The following MTRF1 variants were observed in gnomAD, a reference collection of about 807,000 sequenced individuals.
The protein encoded by MTRF1 is peptide chain release factor 1, mitochondrial.
Under a neutral mutation model 62.9 loss-of-function variants are expected in MTRF1, and 51 were observed. That is an observed-to-expected ratio of 0.81 (90% CI 0.65 to 1.02). The LOEUF (loss-of-function observed/expected upper bound fraction) is 1.02. Among genes scored for constraint, MTRF1 ranks in the 50% least tolerant of loss-of-function variants. The probability of loss-of-function intolerance (pLI) is 0.00; values close to 1 mark genes in which losing one functional copy is unlikely to be tolerated. For missense variants in MTRF1, 446 were observed against 530.0 expected, an observed-to-expected ratio of 0.84 and a Z score of 1.56; for synonymous variants, 158 against 181.9, an observed-to-expected ratio of 0.87 and a Z score of 1.06.
At chr13:41,272,341 A>G in the MTRF1 span, among the ~76,000 whole-genome samples, 1 of 152,226 alleles carries the variant, frequency 6.6e-6, no homozygotes, top group African/African-American at 2.4e-5. Context: ...AGTAAATGAA[A>G]GAACATTGTT....
At chr13:41,291,416 G>A in the MTRF1 span, among the ~76,000 whole-genome samples, 1 of 152,052 alleles carries the variant, frequency 6.6e-6, no homozygotes, top group Non-Finnish European at 1.5e-5. Flanking sequence ...AGGCTCAAGC[G>A]ATCTACCCGC....
At chr13:41,300,458 C>G in the MTRF1 span, among the ~76,000 whole-genome samples, 3 of 151,994 alleles carry the variant, frequency 2.0e-5, no homozygotes, top group Non-Finnish European at 4.4e-5. Flanking sequence ...TGGTGGTGGG[C>G]GCCTGTAGTC....
chr13:41,222,122 A>G (rs981386722), intron 9 of MTRF1, among the ~76,000 whole-genome samples: 4 of 152,184 alleles, frequency 2.6e-5, no homozygotes, highest in Admixed American at 6.5e-5. Flanking sequence ...GACAGAGTCA[A>G]GTGAAAGAAG....
At chr13:41,277,775 C>T in the MTRF1 span, among the ~76,000 whole-genome samples, 4 of 152,270 alleles carry the variant, frequency 2.6e-5, no homozygotes, top group South Asian at 8.3e-4. Context: ...TGTTAGGGAG[C>T]GGGGCTAAAA....
intron 2 of MTRF1, among the ~76,000 whole-genome samples, chr13:41,258,430 T>G (rs943056588): frequency 6.6e-6 from 1 of 151,930 alleles, no homozygotes; most frequent in Non-Finnish European, 1.5e-5. Flanking sequence ...AGAAAAAATG[T>G]AGAGGCAATA....
At chr13:41,291,389 G>A in the MTRF1 span, among the ~76,000 whole-genome samples, 1 of 151,980 alleles carries the variant, frequency 6.6e-6, no homozygotes, top group Non-Finnish European at 1.5e-5. Flanking sequence ...CGTTGCCTAG[G>A]GATATCTTGA....
intron 5 of MTRF1, among the ~76,000 whole-genome samples, chr13:41,246,141 G>A (rs1366840308): frequency 1.3e-5 from 2 of 152,158 alleles, no homozygotes; most frequent in Non-Finnish European, 2.9e-5. Flanking sequence ...CATGAGTTAT[G>A]AGAGGGTTCT....
At chr13:41,237,076 A>G (rs1230775622) in intron 6 of MTRF1, among the ~76,000 whole-genome samples, 1 of 151,966 alleles carries the variant, frequency 6.6e-6, no homozygotes, top group East Asian at 1.9e-4. Context: ...AAAATTAGCC[A>G]GGCATTGTGG....
At chr13:41,283,930 G>A in the MTRF1 span, among the ~76,000 whole-genome samples, 4 of 151,958 alleles carry the variant, frequency 2.6e-5, no homozygotes, top group African/African-American at 7.3e-5. Context: ...TTGCTTAAAG[G>A]GCAGATTGAC....
chr13:41,244,158 A>G (rs776689562), intron 5 of MTRF1, among the ~76,000 whole-genome samples: 3 of 152,230 alleles, frequency 2.0e-5, no homozygotes, highest in Non-Finnish European at 4.4e-5. Context: ...TTGCATAATG[A>G]TAACAAATTG....
At chr13:41,225,426 C>T (rs1228904252) in intron 8 of MTRF1, among the ~76,000 whole-genome samples, 1 of 152,066 alleles carries the variant, frequency 6.6e-6, no homozygotes, top group East Asian at 1.9e-4. Flanking sequence ...TTCCTATCTG[C>T]AAGTGTATAC....
At chr13:41,305,386 A>C in the MTRF1 span, among the ~76,000 whole-genome samples, 1 of 152,212 alleles carries the variant, frequency 6.6e-6, no homozygotes, top group African/African-American at 2.4e-5. Flanking sequence ...TTAAATCATC[A>C]GATCATGTAA....
chr13:41,231,328 C>T (rs2035518874), intron 7 of MTRF1, among the ~76,000 whole-genome samples: 1 of 152,184 alleles, frequency 6.6e-6, no homozygotes, highest in Non-Finnish European at 1.5e-5. Context: ...ATACAGAAAG[C>T]CTATAATAAC....
At chr13:41,293,446 T>C in the MTRF1 span, among the ~76,000 whole-genome samples, 1 of 152,210 alleles carries the variant, frequency 6.6e-6, no homozygotes, top group Non-Finnish European at 1.5e-5. Flanking sequence ...TATATCTTTC[T>C]CTGCTAGATA....
the MTRF1 span, among the ~76,000 whole-genome samples, chr13:41,303,683 C>A: frequency 2.6e-5 from 4 of 152,148 alleles, no homozygotes; most frequent in Admixed American, 2.6e-4. Flanking sequence ...TGCTGGGCTG[C>A]ATTCCCAGGA....
chr13:41,221,632 A>T (rs1245724939), intron 9 of MTRF1, among the ~76,000 whole-genome samples: 1 of 152,008 alleles, frequency 6.6e-6, no homozygotes, highest in Non-Finnish European at 1.5e-5. Flanking sequence ...TTTCCTTATT[A>T]CTTCTGAGTC....
the MTRF1 span, among the ~76,000 whole-genome samples, chr13:41,281,411 G>T: frequency 6.6e-6 from 1 of 151,484 alleles, no homozygotes; most frequent in Non-Finnish European, 1.5e-5. Context: ...TTGAGAATTT[G>T]TATTTTCCAC....
the MTRF1 span, among the ~76,000 whole-genome samples, chr13:41,275,478 G>T: frequency 4.8e-5 from 7 of 146,566 alleles, no homozygotes; most frequent in South Asian, 2.2e-4. Context: ...GGGATTACAG[G>T]CATGTGCCAC....
intron 5 of MTRF1, among the ~76,000 whole-genome samples, chr13:41,245,830 T>C (rs777984467): frequency 1.3e-5 from 2 of 152,238 alleles, no homozygotes; most frequent in Non-Finnish European, 2.9e-5. Context: ...CAACCTGCTT[T>C]CTGGGACTTC....
Sources: allele counts gnomAD v4.1 joint callset (sites outside exome capture counted in the v4.1 genomes callset), GRCh38; gene constraint gnomAD v4.1.1; transcripts MANE v1.5; gene names NCBI Gene and HGNC (gene_info 2026-07-23, HGNC 2026-07-21).